Variants in FGF13 observed in about 807,000 individuals in gnomAD.
FGF13 encodes the protein fibroblast growth factor homologous factor 2.
A neutral mutation model predicts 19.5 loss-of-function variants in FGF13; 2 were observed. That is an observed-to-expected ratio of 0.10 (90% CI 0.04 to 0.32). The LOEUF (loss-of-function observed/expected upper bound fraction) is 0.32, where lower values mean the gene tolerates loss of function less well. Among genes scored for constraint, FGF13 ranks in the 10% least tolerant of loss-of-function variants. The pLI is 1.00. For missense variants in FGF13, 113 were observed against 192.7 expected, an observed-to-expected ratio of 0.59 and a Z score of 2.45; for synonymous variants, 72 against 76.9, an observed-to-expected ratio of 0.94 and a Z score of 0.33.
intron 1 of FGF13, among the ~76,000 whole-genome samples, chrX:139,077,544 T>C (rs1351675411): frequency 9.0e-6 from 1 of 111,415 alleles, no homozygotes; most frequent in African/African-American, 3.3e-5. Flanking sequence ...AGCATAAATA[T>C]CCAGTAGCTA....
At chrX:138,864,525 G>A (rs1233426430) in intron 2 of FGF13, 2 of 112,342 alleles carry the variant, frequency 1.8e-5, no homozygotes, top group East Asian at 5.7e-4. Context: ...TCCTGGCCCA[G>A]GTGGGAACGA....
chrX:139,033,711 G>T (rs1383679676), intron 1 of FGF13, among the ~76,000 whole-genome samples: 1 of 111,442 alleles, frequency 9.0e-6, no homozygotes, highest in Non-Finnish European at 1.9e-5. Flanking sequence ...CTTATTTCAG[G>T]CACCTTCCAC....
chrX:138,689,440 G>A (rs985047152), intron 3 of FGF13, among the ~76,000 whole-genome samples: 3 of 111,225 alleles, frequency 2.7e-5, no homozygotes, highest in African/African-American at 9.8e-5. Flanking sequence ...AGGACCATGA[G>A]TGGTTCCAGC....
rs998860858 is a variant in FGF13 at position 139,129,919 on chromosome X, G to A, written c.-113+73497C>T. On this transcript the variant is annotated intron_variant, in intron 1 of 2. Transcript: ENST00000421460. ...ACATTTCGGAGAAAGCCACTTGTCCGTCTCAAGCCCATTTTCAAAGTCCTT... is the reference window on the plus strand; with the variant it reads ...ACATTTCGGAGAAAGCCACTTGTCCATCTCAAGCCCATTTTCAAAGTCCTT... Among the ~76,000 whole-genome samples the A allele has an allele frequency of 3.6e-5, 4 of 111,689 alleles. No homozygotes were observed. The East Asian group carries it at 1.1e-3, about 31-fold the overall frequency.
chrX:139,113,548 A>T (rs925280605), intron 1 of FGF13, among the ~76,000 whole-genome samples: 1 of 112,531 alleles, frequency 8.9e-6, no homozygotes, highest in East Asian at 2.8e-4. Context: ...AAAAATAATC[A>T]TTCAATATTC....
At chrX:138,666,646 C>G (rs2089548881) in intron 3 of FGF13, among the ~76,000 whole-genome samples, 1 of 111,423 alleles carries the variant, frequency 9.0e-6, no homozygotes, top group African/African-American at 3.3e-5. Flanking sequence ...CCTTCTCTAT[C>G]TCACAAGGTG....
At chrX:138,712,310 G>A (rs2090062909), upstream of FGF13, among the ~76,000 whole-genome samples, 1 of 111,291 alleles carries the variant, frequency 9.0e-6, no homozygotes, top group African/African-American at 3.3e-5. Context: ...CAATTTGTAG[G>A]GTCCAAAACC....
At chrX:139,031,824 C>G (rs758677639) in intron 1 of FGF13, among the ~76,000 whole-genome samples, 334 of 110,483 alleles carry the variant, frequency 3.0e-3, no homozygotes, top group Non-Finnish European at 4.5e-3. Context: ...TCAGTGACAC[C>G]AGAACTCCTT....
chrX:139,137,231 C>T (rs1181732269), intron 1 of FGF13, among the ~76,000 whole-genome samples: 1 of 112,127 alleles, frequency 8.9e-6, no homozygotes, highest in Non-Finnish European at 1.9e-5. Context: ...CTAGATCTCA[C>T]GCCTTTTACA....
At chrX:139,185,368 T>C (rs2084274677) in intron 1 of FGF13, among the ~76,000 whole-genome samples, 1 of 112,107 alleles carries the variant, frequency 8.9e-6, no homozygotes, top group African/African-American at 3.2e-5. Context: ...CATGCAATTA[T>C]TGCAAATCTC....
At chrX:139,173,511 T>C (rs1230122730) in intron 1 of FGF13, among the ~76,000 whole-genome samples, 5 of 110,597 alleles carry the variant, frequency 4.5e-5, no homozygotes, top group Non-Finnish European at 9.4e-5. Flanking sequence ...CATCAACCCG[T>C]CATCTACATT....
chrX:138,957,444 G>A (rs1326592705), intron 1 of FGF13, among the ~76,000 whole-genome samples: 1 of 111,800 alleles, frequency 8.9e-6, no homozygotes, highest in Non-Finnish European at 1.9e-5. Context: ...GACATCAGAA[G>A]CCAGGTAGCG....
chrX:139,166,705 A>G (rs2148259507), intron 1 of FGF13, among the ~76,000 whole-genome samples: 1 of 111,472 alleles, frequency 9.0e-6, no homozygotes. Context: ...CAGATGCCAG[A>G]CACCATGCCA....
At chrX:138,865,450 C>T (rs1215003651) in intron 1 of FGF13, among the ~76,000 whole-genome samples, 1 of 89,250 alleles carries the variant, frequency 1.1e-5, no homozygotes, top group Non-Finnish European at 2.1e-5. Context: ...CTCTCTCTCT[C>T]CTCTCTCTCT....
At chrX:139,189,065 C>CCACA (rs3048351) in intron 1 of FGF13, among the ~76,000 whole-genome samples, 62 of 102,730 alleles carry the variant, frequency 6.0e-4, no homozygotes, top group Non-Finnish European at 8.6e-4. Flanking sequence ...TTCATTGTTT[C>CCACA]CACACACACA....
intron 3 of FGF13, among the ~76,000 whole-genome samples, chrX:138,832,028 G>T (rs1043133492): frequency 8.9e-6 from 1 of 112,052 alleles, no homozygotes; most frequent in African/African-American, 3.2e-5. Flanking sequence ...ATTTTTTATG[G>T]TTGAATAGTA....
At chrX:139,131,837 T>G (rs2083764638) in intron 1 of FGF13, among the ~76,000 whole-genome samples, 1 of 112,207 alleles carries the variant, frequency 8.9e-6, no homozygotes, top group African/African-American at 3.2e-5. Flanking sequence ...GATTTTATGA[T>G]AGGACTTTAA....
At chrX:139,149,747 T>C (rs1054355626) in intron 1 of FGF13, among the ~76,000 whole-genome samples, 2 of 112,030 alleles carry the variant, frequency 1.8e-5, no homozygotes, top group Non-Finnish European at 3.8e-5. Flanking sequence ...TGAGCCCCCA[T>C]TAAAGGAATC....
At chrX:138,872,039 C>T (rs2091360307) in intron 1 of FGF13, among the ~76,000 whole-genome samples, 1 of 111,742 alleles carries the variant, frequency 8.9e-6, no homozygotes, top group Non-Finnish European at 1.9e-5. Flanking sequence ...GGTTAGGAGG[C>T]TACGGCTATA....
Sources: gnomAD v4.1 joint callset for allele counts (sites outside exome capture counted in the v4.1 genomes callset) on GRCh38, gnomAD v4.1.1 for gene constraint, MANE v1.5 for transcripts, NCBI Gene and HGNC (gene_info 2026-07-23, HGNC 2026-07-21) for gene names.